CD59: variants seen among roughly 807,000 people sequenced by gnomAD.
The protein encoded by CD59 is CD59 glycoprotein.
CD59 carries 3 observed loss-of-function variants against 7.0 expected under a neutral mutation model. The observed-to-expected ratio is 0.43, with a 90% CI of 0.19 to 1.10. CD59 has a LOEUF of 1.10. Among genes scored for constraint, CD59 ranks in the 50% least tolerant of loss-of-function variants. The pLI, the probability that CD59 is intolerant of heterozygous loss-of-function variation, is 0.29. For missense variants in CD59, 143 were observed against 151.0 expected, an observed-to-expected ratio of 0.95 and a Z score of 0.28; for synonymous variants, 60 against 62.0, an observed-to-expected ratio of 0.97 and a Z score of 0.15.
At chr11:33,724,226 T>TGCCG (rs1476936982) in intron 1 of CD59, among the ~76,000 whole-genome samples, 1 of 152,250 alleles carries the variant, frequency 6.6e-6, no homozygotes, top group African/African-American at 2.4e-5. Context: ...TGGCAGGAGC[T>TGCCG]GCCGGTTCAG....
intron 1 of CD59, among the ~76,000 whole-genome samples, chr11:33,729,850 C>T (rs1293309579): frequency 6.6e-6 from 1 of 151,974 alleles, no homozygotes; most frequent in Non-Finnish European, 1.5e-5. Flanking sequence ...CCCCAACCGG[C>T]CCCCCAAATA....
Position 33,729,873 on chromosome 11 carries a change from A to G in CD59, c.-19+6509T>C, listed in dbSNP as rs570677371. Among the ~76,000 whole-genome samples, 98 of 152,244 alleles carry G rather than the reference A, an allele frequency of 6.4e-4. 1 individual carries two copies. In the South Asian group the frequency reaches 0.014, roughly 22 times the overall value. On this transcript the variant is annotated intron_variant, in intron 1 of 3. Coordinates refer to ENST00000642928, the MANE Select transcript of CD59 (RefSeq NM_000611.6). Reference sequence around the variant, plus strand: ...GGCCCCCCAAATATCAATTAAATATATATATACACCCACACACATTTGACC... The same window carrying G: ...GGCCCCCCAAATATCAATTAAATATGTATATACACCCACACACATTTGACC...
chr11:33,734,609 C>T (rs1274573106), intron 1 of CD59, among the ~76,000 whole-genome samples: 4 of 152,226 alleles, frequency 2.6e-5, no homozygotes, highest in African/African-American at 9.6e-5. Context: ...AGGGCCTTTC[C>T]TGCAGTTTGT....
intron 1 of CD59, among the ~76,000 whole-genome samples, chr11:33,723,879 A>G (rs1854171487): frequency 6.6e-6 from 1 of 152,206 alleles, no homozygotes; most frequent in Non-Finnish European, 1.5e-5. Flanking sequence ...GACACTTCCT[A>G]AAAGTTAAGC....
intron 1 of CD59, among the ~76,000 whole-genome samples, chr11:33,728,004 C>T (rs1186587323): frequency 2.6e-5 from 4 of 152,130 alleles, no homozygotes; most frequent in African/African-American, 9.7e-5. Context: ...CAAACCACTG[C>T]TCAAGGAAAT....
rs1853294594 is a variant in CD59, at chr11:33,706,036, CAGAA to C, written c.*4086_*4089del. 1 of 152,108 alleles carries C rather than the reference CAGAA, an allele frequency of 6.6e-6. No individual in the cohort carries two copies. Among genetic ancestry groups the C allele is most frequent in the African/African-American group, 2.4e-5 (1 of 41,400 alleles). 9.4% of individuals were successfully genotyped at this position (152,108 alleles called of 1,614,324 possible). ...GCAACATCCCTAGGGAAACCGATCA[CAGAA>C]AGGCAGCTCACTACCCCACAGTAAA... On this transcript the variant is annotated 3_prime_UTR_variant, in exon 4 of 4. Coordinates refer to ENST00000642928, the MANE Select transcript of CD59 (RefSeq NM_000611.6).
chr11:33,721,424 A>T (rs1854055032), intron 2 of CD59, among the ~76,000 whole-genome samples: 1 of 152,238 alleles, frequency 6.6e-6, no homozygotes, highest in African/African-American at 2.4e-5. Context: ...TGCTGTTAAT[A>T]TTCTAAGACA....
intron 1 of CD59, among the ~76,000 whole-genome samples, chr11:33,734,390 G>T (rs141642577): frequency 6.6e-6 from 1 of 152,332 alleles, no homozygotes; most frequent in African/African-American, 2.4e-5. Flanking sequence ...GTACCATGGT[G>T]GTTTGCTGCA....
At position 33,704,202 on chromosome 11, in the gene CD59, A is replaced by T. The variant is rs1039587663; in HGVS notation, c.*5924T>A. The stretch of plus-strand genomic sequence containing the variant: ...TCTTGGAATACAAGAGTTGTGCCTG[A>T]ATCTGGGACTCTCTGTGACCCTGGG... On this transcript the variant is annotated 3_prime_UTR_variant, in exon 4 of 4. Transcript: ENST00000642928. The T allele has an allele frequency of 6.6e-6, 1 of 151,258 alleles. No individual in the cohort carries two copies. Among genetic ancestry groups the T allele is most frequent in the Non-Finnish European group, 1.5e-5 (1 of 68,022 alleles). The allele number at this position is 151,258 out of a possible 1,614,324, so 9.4% of individuals were successfully genotyped here.
chr11:33,710,036 TG>T lies in CD59; in HGVS notation c.*89del. On this transcript the variant is annotated 3_prime_UTR_variant, in exon 4 of 4. Coordinates refer to ENST00000642928, the MANE Select transcript of CD59 (RefSeq NM_000611.6). ...TTATTCTTTCCCAACAGGATCCATT[TG>T]GAAAATATCAAGCCTTTAGAATGTG... 1 of 1,039,492 alleles carries T rather than the reference TG, an allele frequency of 9.6e-7. No individual in the cohort carries two copies. Among genetic ancestry groups the T allele is most frequent in the Non-Finnish European group, 1.5e-6 (1 of 680,582 alleles). 64.4% of individuals were successfully genotyped at this position (1,039,492 alleles called of 1,614,324 possible).
chr11:33,711,614 C>CT (rs1216875081), intron 3 of CD59: 1 of 554,540 alleles, frequency 1.8e-6, no homozygotes, highest in Non-Finnish European at 3.2e-6. Context: ...GACTTTAAGG[C>CT]TGCAGTGAGC....
intron 3 of CD59, among the ~76,000 whole-genome samples, chr11:33,716,992 C>T (rs1853825258): frequency 6.6e-6 from 1 of 152,238 alleles, no homozygotes. Flanking sequence ...GCATCCCTAG[C>T]TCCTAACCCT....
At chr11:33,729,482 A>T (rs1010179526) in intron 1 of CD59, among the ~76,000 whole-genome samples, 10 of 151,770 alleles carry the variant, frequency 6.6e-5, no homozygotes, top group African/African-American at 2.4e-4. Context: ...ACACATGGAC[A>T]CAGGGAGGGG....
At position 33,712,812 on chromosome 11, in the gene CD59, G is replaced by C. The variant is rs569088502; in HGVS notation, c.170-2469C>G. ...TATCTCAATAAAAACCCTAGATGCA[G>C]AACAGTGTATAGAATGTGACCCATT... On this transcript the variant is annotated intron_variant, in intron 3 of 3. Transcript: ENST00000642928. Among the ~76,000 whole-genome samples the C allele has an allele frequency of 5.3e-5, 8 of 152,302 alleles. No homozygotes were observed. The East Asian group carries it at 1.3e-3, about 26-fold the overall frequency.
At chr11:33,713,958 T>C (rs1291577835) in intron 3 of CD59, among the ~76,000 whole-genome samples, 3 of 152,224 alleles carry the variant, frequency 2.0e-5, no homozygotes, top group Non-Finnish European at 4.4e-5. Flanking sequence ...AGTCTTCAGC[T>C]GTCCTAGGCA....
In CD59 at chr11:33,707,075, T is replaced by C. The variant is rs1478983604; in HGVS notation, c.*3051A>G. On this transcript the variant is annotated 3_prime_UTR_variant, in exon 4 of 4. Coordinates refer to ENST00000642928, the MANE Select transcript of CD59 (RefSeq NM_000611.6). ...TACAGATGAAAATGTATATAAAACA[T>C]AGAGCTTAGAATCCTGTACCAGAAA... 1 of 152,198 alleles carries C rather than the reference T, an allele frequency of 6.6e-6. No individual in the cohort carries two copies. The highest frequency in any genetic ancestry group is 1.5e-5 in the Non-Finnish European group (1 of 68,034). 9.4% of individuals were successfully genotyped at this position (152,198 alleles called of 1,614,324 possible). A position where few individuals can be genotyped will look rare whatever the true frequency, so the allele number is the denominator to read the frequency against.
intron 1 of CD59, among the ~76,000 whole-genome samples, chr11:33,725,803 G>T (rs1854239692): frequency 5.9e-5 from 9 of 152,148 alleles, no homozygotes; most frequent in Admixed American, 5.9e-4. Flanking sequence ...GCCAGGAAAA[G>T]TAATGGGCGT....
At position 33,710,311 on chromosome 11, in the gene CD59, C is replaced by G. The variant is rs1213555091; in HGVS notation, c.202G>C (p.Glu68Gln). 2 of 1,614,020 alleles carry G rather than the reference C, an allele frequency of 1.2e-6. No homozygotes were observed. The highest frequency in any genetic ancestry group is 1.7e-6 in the Non-Finnish European group (2 of 1,179,998). Residue 68 changes from glutamate to glutamine, a missense_variant, in exon 4 of 4, where the codon GAG becomes CAG. Physicochemically the swap from Glu to Gln is conservative, Grantham distance 29. Coordinates refer to ENST00000642928, the MANE Select transcript of CD59 (RefSeq NM_000611.6). Reference sequence around the variant, plus strand: ...GTGACGTCGTTGAAATTGCAATGCTCAAACTTCCAACACTTGTTATACACT... The same window carrying G: ...GTGACGTCGTTGAAATTGCAATGCTGAAACTTCCAACACTTGTTATACACT... ...LQVYNKCWKF[E>Q]HCNFNDVTTR...
In CD59 at chr11:33,736,055, C is replaced by T. The variant is rs1854564278; in HGVS notation, c.-19+327G>A. Among the ~76,000 whole-genome samples, 1 of 152,194 alleles carries T rather than the reference C, an allele frequency of 6.6e-6. No homozygotes were observed. The highest frequency in any genetic ancestry group is 1.5e-5 in the Non-Finnish European group (1 of 68,022). On this transcript the variant is annotated intron_variant, in intron 1 of 3. Transcript: ENST00000642928. The surrounding 1 kb of genome is among the most constrained non-coding windows in gnomAD (Gnocchi z 4.4). The stretch of plus-strand genomic sequence containing the variant: ...GTTTCTCTGGACCGCTAGAGCTTCC[C>T]TTGAGACGAAAGCGATGGCAGGGGC...
Sources: allele counts gnomAD v4.1 joint callset (sites outside exome capture counted in the v4.1 genomes callset), GRCh38; gene constraint gnomAD v4.1.1; non-coding constraint Gnocchi (gnomAD v3.1); transcripts MANE v1.5; gene names NCBI Gene and HGNC (gene_info 2026-07-23, HGNC 2026-07-21).